Variants in GRAMD1B observed in about 807,000 individuals in gnomAD.
GRAMD1B encodes the protein protein Aster-B.
Under a neutral mutation model 99.7 loss-of-function variants are expected in GRAMD1B, and 37 were observed. The observed-to-expected ratio is 0.37, with a 90% CI of 0.29 to 0.49. The LOEUF is 0.49. Among genes scored for constraint, GRAMD1B ranks in the 20% least tolerant of loss-of-function variants. The pLI is 0.98. For synonymous variants in GRAMD1B, 427 were observed against 387.6 expected (o/e 1.10, Z -1.19); for missense variants, 888 against 1,009.2 (o/e 0.88, Z 1.63).
intron 1 of GRAMD1B, among the ~76,000 whole-genome samples, chr11:123,368,936 A>C (rs139183101): frequency 1.2e-4 from 18 of 152,198 alleles, no homozygotes; most frequent in African/African-American, 4.1e-4. Context: ...TTTATATTTG[A>C]AAGAAATAAA....
intron 3 of GRAMD1B, among the ~76,000 whole-genome samples, chr11:123,582,352 G>C (rs777307620): frequency 1.3e-5 from 2 of 152,192 alleles, no homozygotes; most frequent in Non-Finnish European, 2.9e-5. Context: ...TTCAGGTCCC[G>C]GACTCCCATG....
intron 1 of GRAMD1B, among the ~76,000 whole-genome samples, chr11:123,413,132 T>C (rs193186819): frequency 6.6e-5 from 10 of 152,304 alleles, no homozygotes; most frequent in African/African-American, 2.2e-4. Flanking sequence ...CAAATTCATC[T>C]TGAGCTTGAG....
intron 1 of GRAMD1B, among the ~76,000 whole-genome samples, chr11:123,370,502 G>A (rs1007130592): frequency 4.0e-5 from 6 of 151,778 alleles, no homozygotes; most frequent in African/African-American, 1.5e-4. Context: ...CACCACACCT[G>A]GCTAAGTTTT....
chr11:123,593,439 T>G (rs1332664559), intron 4 of GRAMD1B, among the ~76,000 whole-genome samples: 1 of 152,132 alleles, frequency 6.6e-6, no homozygotes, highest in Non-Finnish European at 1.5e-5. Flanking sequence ...GCAGGGGGCT[T>G]CTCTCTGGCC....
chr11:123,506,281 G>A (rs544532393), intron 2 of GRAMD1B, among the ~76,000 whole-genome samples: 1 of 152,300 alleles, frequency 6.6e-6, no homozygotes, highest in Admixed American at 6.5e-5. Context: ...AGAAGCAAGT[G>A]CAGTGTCCAG....
chr11:123,462,894 A>ATAAAT (rs55929024), intron 1 of GRAMD1B, among the ~76,000 whole-genome samples: 10 of 136,520 alleles, frequency 7.3e-5, no homozygotes, highest in African/African-American at 2.0e-4. Context: ...AATAAATTAA[A>ATAAAT]AAAAAAAAAA....
In GRAMD1B at chr11:123,606,662, A is replaced by G. The variant is rs1196970519; in HGVS notation, c.1377A>G (p.Glu459=). 6 of 1,613,198 alleles carry G rather than the reference A, an allele frequency of 3.7e-6. No homozygotes were observed. The highest frequency in any genetic ancestry group is 5.1e-6 in the Non-Finnish European group (6 of 1,179,712). The change falls in exon 11 of 20, where the codon GAA becomes GAG. Residue 459 remains glutamate, a synonymous_variant. Transcript: ENST00000635736. ...CGCTGGAGGGAGACGGGTCCCTGGAAAAGGAGCTCGCCATTGACAACATCA... is the reference window on the plus strand; with the variant it reads ...CGCTGGAGGGAGACGGGTCCCTGGAGAAGGAGCTCGCCATTGACAACATCA... ...EEALEGDGSL[E]KELAIDNIMG...
chr11:123,542,184 G>A (rs890577849), intron 2 of GRAMD1B, among the ~76,000 whole-genome samples: 2 of 152,206 alleles, frequency 1.3e-5, no homozygotes, highest in African/African-American at 4.8e-5. Context: ...AGTGCACCGA[G>A]TGGCACACCA....
intron 2 of GRAMD1B, among the ~76,000 whole-genome samples, chr11:123,545,289 C>A (rs1395312850): frequency 6.6e-6 from 1 of 152,204 alleles, no homozygotes; most frequent in East Asian, 1.9e-4. Flanking sequence ...CCTAGAATCG[C>A]CTTAGGTGCT....
chr11:123,621,778 T>C (rs770597372), intron 19 of GRAMD1B, among the ~76,000 whole-genome samples: 2 of 152,194 alleles, frequency 1.3e-5, no homozygotes, highest in African/African-American at 2.4e-5. Context: ...TTGGTAGCAG[T>C]TGAACACTTC....
At chr11:123,434,576 C>T (rs1218401199) in intron 1 of GRAMD1B, among the ~76,000 whole-genome samples, 2 of 152,122 alleles carry the variant, frequency 1.3e-5, no homozygotes, top group Non-Finnish European at 2.9e-5. Flanking sequence ...TCATTTGAGG[C>T]CAGGAGTTCG....
At chr11:123,375,409 A>G (rs898781466) in intron 1 of GRAMD1B, among the ~76,000 whole-genome samples, 12 of 152,280 alleles carry the variant, frequency 7.9e-5, no homozygotes, top group African/African-American at 1.9e-4. Flanking sequence ...ATAAAAAAAA[A>G]AGAGAGAGAG....
At position 123,378,109 on chromosome 11, in the gene GRAMD1B, G is replaced by A. The variant is rs540713235; in HGVS notation, c.-176+19310G>A. Among the ~76,000 whole-genome samples, 7 of 152,300 alleles carry A rather than the reference G, an allele frequency of 4.6e-5. No homozygotes were observed. In the East Asian group the frequency reaches 7.7e-4, roughly 17 times the overall value. ...TTATCAAAGCTACTGTTTATTAAGC[G>A]TTTTCTCTGCACCAGGGAGGTAGTC... is the stretch of plus-strand genomic sequence containing the variant. On this transcript the variant is annotated intron_variant, in intron 1 of 20. Transcript: ENST00000638157.
At chr11:123,451,880 C>G (rs1288813055) in intron 1 of GRAMD1B, among the ~76,000 whole-genome samples, 3 of 152,226 alleles carry the variant, frequency 2.0e-5, no homozygotes, top group South Asian at 2.1e-4. Context: ...CTCGCCCAGG[C>G]TGGAGTACAG....
chr11:123,526,058 A>T, intron 2 of GRAMD1B: 3 of 1,089,678 alleles, frequency 2.8e-6, no homozygotes, highest in Non-Finnish European at 4.2e-6. Flanking sequence ...TTCTTTTGGG[A>T]CTTCGTCATC....
chr11:123,405,837 A>G (rs988618144), intron 1 of GRAMD1B, among the ~76,000 whole-genome samples: 4 of 152,184 alleles, frequency 2.6e-5, no homozygotes, highest in African/African-American at 9.7e-5. Flanking sequence ...AATATTATGA[A>G]AAATTAAATA....
chr11:123,539,023 T>C (rs914925754), intron 2 of GRAMD1B, among the ~76,000 whole-genome samples: 17 of 152,164 alleles, frequency 1.1e-4, no homozygotes, highest in Admixed American at 7.9e-4. Flanking sequence ...TTGTAGCATG[T>C]ATCAGTACTT....
intron 8 of GRAMD1B, among the ~76,000 whole-genome samples, chr11:123,602,301 A>AATTATTATTATTATTATTATTATT (rs4063750): frequency 6.7e-6 from 1 of 150,322 alleles, no homozygotes; most frequent in African/African-American, 2.4e-5. Context: ...GGAGCTCTCA[A>AATTATTATTATTATTATTATTATT]ATTATTATTA....
At chr11:123,491,601 A>T (rs1427463080) in intron 2 of GRAMD1B, 2 of 323,118 alleles carry the variant, frequency 6.2e-6, no homozygotes, top group East Asian at 4.8e-5. Flanking sequence ...GGAGGGCTTC[A>T]TTTGGAGCTG....
Sources: allele counts gnomAD v4.1 joint callset (sites outside exome capture counted in the v4.1 genomes callset), GRCh38; gene constraint gnomAD v4.1.1; transcripts MANE v1.5; gene names NCBI Gene and HGNC (gene_info 2026-07-23, HGNC 2026-07-21).